The following CHRM3 variants were observed in gnomAD, a reference collection of about 807,000 sequenced individuals.
CHRM3 encodes the protein cholinergic receptor muscarinic 3.
CHRM3 carries 11 observed loss-of-function variants against 41.8 expected under a neutral mutation model. The ratio of observed to expected loss-of-function variants is 0.26; its 90% CI spans 0.17 to 0.44. The LOEUF is 0.44. Among genes scored for constraint, CHRM3 ranks in the 20% least tolerant of loss-of-function variants. CHRM3 has a pLI of 1.00. For synonymous variants in CHRM3, 297 were observed against 301.4 expected (o/e 0.99, Z 0.15); for missense variants, 571 against 745.4 (o/e 0.77, Z 2.72).
chr1:239,733,630 G>A (rs12118615), intron 5 of CHRM3, among the ~76,000 whole-genome samples: 7,766 of 152,054 alleles, frequency 0.051, 227 homozygotes, highest in East Asian at 0.075. Flanking sequence ...TCTTCTGTAA[G>A]AAAGTTTATA....
chr1:239,441,647 T>A (rs560443077), intron 1 of CHRM3, among the ~76,000 whole-genome samples: 3 of 152,210 alleles, frequency 2.0e-5, no homozygotes, highest in Admixed American at 6.5e-5. Flanking sequence ...ACAATGTAAA[T>A]GTTAACTCAT....
At chr1:239,726,189 A>G (rs12143018) in intron 5 of CHRM3, among the ~76,000 whole-genome samples, 7,662 of 152,030 alleles carry the variant, frequency 0.05, 219 homozygotes, top group East Asian at 0.075. Context: ...GTTCTAGCAC[A>G]TTGTAGATCA....
At chr1:239,838,209 C>CTTCA (rs1673488906) in intron 6 of CHRM3, among the ~76,000 whole-genome samples, 1 of 152,076 alleles carries the variant, frequency 6.6e-6, no homozygotes, top group Non-Finnish European at 1.5e-5. Context: ...AGAAAGGGGT[C>CTTCA]TATCAGTGAA....
rs188794891 is a variant in CHRM3, at chr1:239,562,761, G to A, written c.-313+17012G>A. Among the ~76,000 whole-genome samples the A allele has an allele frequency of 6.6e-5, 10 of 152,000 alleles. No homozygotes were observed. The South Asian group carries it at 8.3e-4, about 13-fold the overall frequency. On this transcript the variant is annotated intron_variant, in intron 3 of 6. Coordinates refer to ENST00000676153, the MANE Select transcript of CHRM3 (RefSeq NM_001375978.1). Reference sequence around the variant, plus strand: ...AAATTAGCTGGGCGTGGTGGCTGACGCCAGTAATCCCAGCTACTGGGGAGG... The same window carrying A: ...AAATTAGCTGGGCGTGGTGGCTGACACCAGTAATCCCAGCTACTGGGGAGG...
At chr1:239,598,981 G>T (rs1398495941) in intron 3 of CHRM3, among the ~76,000 whole-genome samples, 1 of 151,772 alleles carries the variant, frequency 6.6e-6, no homozygotes, top group African/African-American at 2.4e-5. Context: ...TCTCTTCCTG[G>T]CTGCTCCTTC....
chr1:239,524,239 GC>G (rs1558288276), intron 2 of CHRM3, among the ~76,000 whole-genome samples: 1 of 151,932 alleles, frequency 6.6e-6, no homozygotes, highest in Non-Finnish European at 1.5e-5. Flanking sequence ...TGAGAAATAG[GC>G]CTTGTGTGGT....
At chr1:239,634,846 G>A (rs950545647) in intron 4 of CHRM3, among the ~76,000 whole-genome samples, 3 of 152,166 alleles carry the variant, frequency 2.0e-5, no homozygotes, top group Non-Finnish European at 4.4e-5. Flanking sequence ...AAATGCAGGG[G>A]ATAGCCTAGC....
At chr1:239,685,825 A>G (rs1447321451) in intron 5 of CHRM3, among the ~76,000 whole-genome samples, 1 of 152,118 alleles carries the variant, frequency 6.6e-6, no homozygotes, top group Non-Finnish European at 1.5e-5. Flanking sequence ...CCATCTCAAA[A>G]CAAACAAACA....
intron 5 of CHRM3, among the ~76,000 whole-genome samples, chr1:239,696,291 C>G (rs117257491): frequency 6.6e-6 from 1 of 152,182 alleles, no homozygotes; most frequent in East Asian, 1.9e-4. Flanking sequence ...AAAGTGCTAT[C>G]TTTTGTAAAC....
At chr1:239,405,985 G>A (rs1357543641) in intron 1 of CHRM3, among the ~76,000 whole-genome samples, 1 of 152,018 alleles carries the variant, frequency 6.6e-6, no homozygotes, top group Non-Finnish European at 1.5e-5. Context: ...TCCGCCTCCC[G>A]GGTTGAAGTG....
rs199549014 is a variant in CHRM3, at chr1:239,908,132, T to C, written c.681T>C (p.Ser227=). The C allele has an allele frequency of 9.2e-5, 148 of 1,614,058 alleles. No homozygotes were observed. Among genetic ancestry groups the C allele is most frequent in the Non-Finnish European group, 1.1e-4 (132 of 1,180,042 alleles). The change falls in exon 7 of 7, where the codon AGT becomes AGC. Residue 227 remains serine (S), a synonymous_variant. Coordinates refer to ENST00000676153, the MANE Select transcript of CHRM3 (RefSeq NM_001375978.1). This position sits in a 1 kb window ranked among gnomAD's most constrained non-coding sequence, Gnocchi z 7.2. The part of the protein sequence containing the change: ...PPGECFIQFL[S]EPTITFGTAI... ...GAGAGTGCTTCATTCAGTTCCTCAG[T>C]GAGCCCACCATTACTTTTGGCACAG... is the stretch of plus-strand genomic sequence containing the variant.
At chr1:239,580,704 T>TATATATATATATATATACATAC (rs570878631) in intron 3 of CHRM3, among the ~76,000 whole-genome samples, 1 of 131,086 alleles carries the variant, frequency 7.6e-6, no homozygotes, top group Non-Finnish European at 1.6e-5. Context: ...TATATATATA[T>TATATATATATATATATACATAC]ACACACACAC....
chr1:239,831,943 A>G (rs1031692127), intron 6 of CHRM3, among the ~76,000 whole-genome samples: 11 of 152,352 alleles, frequency 7.2e-5, no homozygotes, highest in African/African-American at 2.4e-4. Flanking sequence ...AGCCATTACC[A>G]TGCTTTATGT....
intron 3 of CHRM3, among the ~76,000 whole-genome samples, chr1:239,574,102 A>G (rs1454541600): frequency 6.6e-6 from 1 of 152,108 alleles, no homozygotes; most frequent in Non-Finnish European, 1.5e-5. Flanking sequence ...CTTTGTACAC[A>G]GATAGTTTTT....
chr1:239,432,505 A>G (rs1195996411), intron 1 of CHRM3, among the ~76,000 whole-genome samples: 1 of 152,142 alleles, frequency 6.6e-6, no homozygotes, highest in Non-Finnish European at 1.5e-5. Flanking sequence ...AAAATGCTTT[A>G]TATGTAGATG....
chr1:239,653,435 G>T (rs1415211196), intron 4 of CHRM3, among the ~76,000 whole-genome samples: 1 of 152,128 alleles, frequency 6.6e-6, no homozygotes, highest in Non-Finnish European at 1.5e-5. Flanking sequence ...AAGTACCAAG[G>T]TAGGGGCCTG....
chr1:239,505,043 T>G (rs976775950), intron 2 of CHRM3, among the ~76,000 whole-genome samples: 19 of 152,284 alleles, frequency 1.2e-4, no homozygotes, highest in Non-Finnish European at 1.5e-5. Flanking sequence ...ATACCACCTG[T>G]ACCTCAATAA....
intron 6 of CHRM3, among the ~76,000 whole-genome samples, chr1:239,879,297 G>T (rs1357386527): frequency 1.3e-5 from 2 of 152,116 alleles, no homozygotes; most frequent in Non-Finnish European, 2.9e-5. Context: ...CACCCAGCTT[G>T]TGCATTTCTG....
chr1:239,400,330 T>A lies in CHRM3; in HGVS notation c.-521+13103T>A, dbSNP rs553088884. Among the ~76,000 whole-genome samples the A allele has an allele frequency of 7.2e-5, 11 of 152,346 alleles. No homozygotes were observed. In the South Asian group the frequency reaches 2.3e-3, roughly 32 times the overall value. On this transcript the variant is annotated intron_variant, in intron 1 of 6. Coordinates refer to ENST00000676153, the MANE Select transcript of CHRM3 (RefSeq NM_001375978.1). ...TCTTTTTTGCTATTGAGTTTTTGACTTCCTTATATGTTCTGGTTATTAATC... is the reference window on the plus strand; with the variant it reads ...TCTTTTTTGCTATTGAGTTTTTGACATCCTTATATGTTCTGGTTATTAATC...
Sources: allele counts gnomAD v4.1 joint callset (sites outside exome capture counted in the v4.1 genomes callset), GRCh38; gene constraint gnomAD v4.1.1; non-coding constraint Gnocchi (gnomAD v3.1); transcripts MANE v1.5; gene names NCBI Gene and HGNC (gene_info 2026-07-23, HGNC 2026-07-21).